TRIML1: variants seen among roughly 807,000 people sequenced by gnomAD.
The protein encoded by TRIML1 is tripartite motif family like 1, also known as probable E3 ubiquitin-protein ligase TRIML1.
In TRIML1, 34 loss-of-function variants were observed where a neutral mutation model predicts 32.3. That is an observed-to-expected ratio of 1.05 (90% CI 0.80 to 1.40). TRIML1 has a LOEUF of 1.40. Ranked by LOEUF, TRIML1 falls within the 40% of genes most tolerant of loss-of-function variation. The probability of loss-of-function intolerance (pLI) is 0.00; values close to 1 mark genes in which losing one functional copy is unlikely to be tolerated. For synonymous variants in TRIML1, 244 were observed against 226.6 expected, an observed-to-expected ratio of 1.08 and a Z score of -0.69; for missense variants, 595 against 574.9, an observed-to-expected ratio of 1.03 and a Z score of -0.36.
intron 3 of TRIML1, chr4:188,143,559 T>G: frequency 2.2e-6 from 1 of 458,584 alleles, no homozygotes; most frequent in Non-Finnish European, 4.0e-6. Context: ...GACTAACAGG[T>G]TGGCTTGTTT....
downstream of TRIML1, among the ~76,000 whole-genome samples, chr4:188,149,374 G>A (rs1427065496): frequency 6.6e-6 from 1 of 152,110 alleles, no homozygotes; most frequent in Non-Finnish European, 1.5e-5. Flanking sequence ...TCCAGACTGT[G>A]TTATTACTAA....
Position 188,139,982 on chromosome 4 carries a change from A to G in TRIML1, c.408+16A>G. The G allele has an allele frequency of 2.5e-6, 4 of 1,583,960 alleles. No individual in the cohort carries two copies. The highest frequency in any genetic ancestry group is 3.4e-6 in the Non-Finnish European group (4 of 1,162,340). ...GCATCACAGAGTAAGACAGCTGCTC[A>G]GCATGAACCCCACGACTCATCGCAG... On this transcript the variant is annotated intron_variant, in intron 1 of 5. Coordinates refer to ENST00000332517, the MANE Select transcript of TRIML1 (RefSeq NM_178556.5).
chr4:188,138,287 G>C (rs1323383937), upstream of TRIML1, among the ~76,000 whole-genome samples: 1 of 152,110 alleles, frequency 6.6e-6, no homozygotes, highest in Non-Finnish European at 1.5e-5. Context: ...GGAGGTAAGT[G>C]GGAAAGAAGT....
At chr4:188,150,519 T>C (rs1368109566), downstream of TRIML1, among the ~76,000 whole-genome samples, 5 of 152,176 alleles carry the variant, frequency 3.3e-5, no homozygotes, top group Non-Finnish European at 7.4e-5. Flanking sequence ...CCATTTGGAA[T>C]ACATCTTTTC....
At chr4:188,146,796 A>T in intron 5 of TRIML1, 26 bp from the exon 6 acceptor site, 1 of 1,346,472 alleles carries the variant, frequency 7.4e-7, no homozygotes, top group African/African-American at 1.5e-5. Context: ...TGCCCAAGGG[A>T]AATCTCTTCT....
rs1303615863 is a variant in TRIML1 at position 188,140,578 on chromosome 4, T to A, written c.459T>A (p.Ala153=). The change falls in exon 2 of 6, where the codon GCT becomes GCA. Residue 153 remains alanine (A), a synonymous_variant. Transcript: ENST00000332517. ...LNLLRVRRKE[A]QAVLTHEKER... is the part of the protein sequence containing the mutation. ...TTTTGCGTGTAAGGAGAAAGGAAGCTCAGGCTGTACTAACCCATGAGAAGG... is the reference window on the plus strand; with the variant it reads ...TTTTGCGTGTAAGGAGAAAGGAAGCACAGGCTGTACTAACCCATGAGAAGG... The A allele has an allele frequency of 1.9e-6, 3 of 1,613,960 alleles. No individual in the cohort carries two copies. The African/African-American group carries it at 4.0e-5, about 22-fold the overall frequency.
downstream of TRIML1, among the ~76,000 whole-genome samples, chr4:188,149,217 C>G (rs1333503719): frequency 6.6e-6 from 1 of 152,018 alleles, no homozygotes; most frequent in South Asian, 2.1e-4. Flanking sequence ...CCGCGCCTGG[C>G]CCAGCCTTTG....
At chr4:188,148,633 C>T (rs1164739115), downstream of TRIML1, among the ~76,000 whole-genome samples, 2 of 152,024 alleles carry the variant, frequency 1.3e-5, no homozygotes, top group Admixed American at 1.3e-4. Flanking sequence ...GATGCAATCT[C>T]GCTCTGTCAC....
intron 2 of TRIML1, chr4:188,140,920 C>G (rs1484086499): frequency 4.6e-6 from 1 of 219,130 alleles, no homozygotes; most frequent in African/African-American, 2.3e-5. Flanking sequence ...AGACATGTAA[C>G]ATGAGACGGA....
At chr4:188,144,574 G>C (rs562835556) in intron 5 of TRIML1, among the ~76,000 whole-genome samples, 7,104 of 147,488 alleles carry the variant, frequency 0.048, 393 homozygotes, top group East Asian at 0.11. Flanking sequence ...GTGTTAGCCA[G>C]GATGGTCTCG....
chr4:188,142,622 C>A, intron 3 of TRIML1, 140 bp downstream of exon 3: 26 of 579,068 alleles, frequency 4.5e-5, no homozygotes, highest in Non-Finnish European at 6.4e-5. Context: ...AATTGACATT[C>A]TATATGTCAA....
At chr4:188,150,084 G>A (rs148867007), downstream of TRIML1, among the ~76,000 whole-genome samples, 22 of 152,052 alleles carry the variant, frequency 1.4e-4, no homozygotes, top group East Asian at 2.3e-3. Flanking sequence ...GATTAGAGAC[G>A]TGAGCCACCG....
At chr4:188,150,592 C>T (rs975553745), downstream of TRIML1, among the ~76,000 whole-genome samples, 14 of 152,182 alleles carry the variant, frequency 9.2e-5, no homozygotes, top group South Asian at 2.3e-3. Flanking sequence ...ATACATTTTA[C>T]TTTGTGGGCA....
chr4:188,149,330 G>A (rs1735190965), downstream of TRIML1, among the ~76,000 whole-genome samples: 1 of 152,064 alleles, frequency 6.6e-6, no homozygotes, highest in African/African-American at 2.4e-5. Flanking sequence ...TTGTCCTAAG[G>A]CAGGCAAGAC....
In TRIML1 at chr4:188,139,464, C is replaced by T; in HGVS notation, c.-95C>T. 1.6e-6 allele frequency: 2 copies of T among 1,250,624 alleles called. No homozygotes were observed. The highest frequency in any genetic ancestry group is 2.2e-6 in the Non-Finnish European group (2 of 900,322). The allele number at this position is 1,250,624 out of a possible 1,614,324, so 77.5% of individuals were successfully genotyped here. On this transcript the variant is annotated 5_prime_UTR_variant, in exon 1 of 6. Transcript: ENST00000332517. Reference sequence around the variant, plus strand: ...TTGTCATAACAACATAGGAACAGGTCACCCGCGTGTTACTCAAAACTGTAG... The same window carrying T: ...TTGTCATAACAACATAGGAACAGGTTACCCGCGTGTTACTCAAAACTGTAG...
At chr4:188,148,901 CTTTTTTTTTT>C (rs34415263), downstream of TRIML1, among the ~76,000 whole-genome samples, 9 of 63,784 alleles carry the variant, frequency 1.4e-4, no homozygotes, top group South Asian at 8.0e-4. Context: ...CGTGCCCAGG[CTTTTTTTTTT>C]TTTTTTTTTT....
chr4:188,140,817 C>A (rs548642254), intron 2 of TRIML1, 194 bp downstream of exon 2: 30 of 543,220 alleles, frequency 5.5e-5, no homozygotes, highest in Non-Finnish European at 9.2e-5. Flanking sequence ...GCAATTCGCC[C>A]CCTCTAGGAG....
chr4:188,137,901 C>T (rs1459231000), upstream of TRIML1, among the ~76,000 whole-genome samples: 1 of 148,702 alleles, frequency 6.7e-6, no homozygotes, highest in Non-Finnish European at 1.5e-5. Flanking sequence ...ATGTGAGCAA[C>T]CGCGCCTGGC....
At chr4:188,150,176 A>G (rs1735213561), downstream of TRIML1, among the ~76,000 whole-genome samples, 1 of 151,482 alleles carries the variant, frequency 6.6e-6, no homozygotes, top group African/African-American at 2.4e-5. Context: ...CCCAGCCTGG[A>G]GTGAAGTGGC....
Sources: allele counts gnomAD v4.1 joint callset (sites outside exome capture counted in the v4.1 genomes callset), GRCh38; gene constraint gnomAD v4.1.1; transcripts MANE v1.5; gene names NCBI Gene and HGNC (gene_info 2026-07-23, HGNC 2026-07-21).